SRRM3: variants seen among roughly 807,000 people sequenced by gnomAD.
The protein encoded by SRRM3 is serine/arginine repetitive matrix 3, also known as serine/arginine repetitive matrix protein 3.
Under a neutral mutation model 66.2 loss-of-function variants are expected in SRRM3, and 27 were observed. That is an observed-to-expected ratio of 0.41 (90% CI 0.30 to 0.56). SRRM3 has a LOEUF of 0.56. Among genes scored for constraint, SRRM3 ranks in the 20% least tolerant of loss-of-function variants. SRRM3 has a pLI of 0.32. For synonymous variants in SRRM3, 391 were observed against 414.9 expected (o/e 0.94, Z 0.70); for missense variants, 918 against 991.9 (o/e 0.93, Z 1.00).
intron 3 of SRRM3, among the ~76,000 whole-genome samples, chr7:76,258,738 A>C (rs1389216629): frequency 6.8e-6 from 1 of 146,956 alleles, no homozygotes; most frequent in South Asian, 2.1e-4. Flanking sequence ...AAAAAAGAAA[A>C]AGAAAAAGAA....
intron 3 of SRRM3, among the ~76,000 whole-genome samples, chr7:76,248,984 A>G (rs1554606512): frequency 6.6e-6 from 1 of 152,056 alleles, no homozygotes; most frequent in East Asian, 1.9e-4. Flanking sequence ...CATCTCAAAA[A>G]ATAAAATAGA....
chr7:76,208,242 T>C (rs1273356054), intron 1 of SRRM3, among the ~76,000 whole-genome samples: 1 of 152,094 alleles, frequency 6.6e-6, no homozygotes, highest in African/African-American at 2.4e-5. Flanking sequence ...AGAACTGGAA[T>C]CTGGTGGCTC....
At chr7:76,245,395 A>T (rs527981081) in intron 2 of SRRM3, among the ~76,000 whole-genome samples, 1 of 152,258 alleles carries the variant, frequency 6.6e-6, no homozygotes, top group Non-Finnish European at 1.5e-5. Context: ...AAATTTTTTT[A>T]AAATTATTTT....
intron 11 of SRRM3, among the ~76,000 whole-genome samples, chr7:76,275,052 G>A (rs1563639504): frequency 6.7e-6 from 1 of 149,260 alleles, no homozygotes; most frequent in Non-Finnish European, 1.5e-5. Context: ...GCTGCAGTGA[G>A]CCTAGATCGT....
intron 1 of SRRM3, among the ~76,000 whole-genome samples, chr7:76,204,374 C>T (rs946151057): frequency 4.5e-4 from 68 of 152,188 alleles, no homozygotes; most frequent in Non-Finnish European, 7.8e-4. Context: ...CCTGTAACTT[C>T]GTATACATGA....
At chr7:76,209,170 A>C (rs933468360) in intron 1 of SRRM3, among the ~76,000 whole-genome samples, 1 of 152,194 alleles carries the variant, frequency 6.6e-6, no homozygotes, top group Admixed American at 6.5e-5. Context: ...TGAGGGGGTT[A>C]GACTATACAA....
At chr7:76,283,220 G>T in intron 14 of SRRM3, 119 bp downstream of exon 14, 1 of 950,986 alleles carries the variant, frequency 1.1e-6, no homozygotes, top group Non-Finnish European at 1.3e-6. Flanking sequence ...CACGGGGATG[G>T]GGGGGGGTGC....
intron 1 of SRRM3, among the ~76,000 whole-genome samples, chr7:76,223,252 G>A (rs1439729231): frequency 1.3e-5 from 2 of 152,134 alleles, no homozygotes; most frequent in Non-Finnish European, 2.9e-5. Context: ...GGTGTCTCTT[G>A]GTCCTCTGGT....
intron 1 of SRRM3, among the ~76,000 whole-genome samples, chr7:76,224,740 G>A (rs998869774): frequency 6.6e-6 from 1 of 152,070 alleles, no homozygotes; most frequent in Non-Finnish European, 1.5e-5. Flanking sequence ...CTGAGTGACC[G>A]CCTACACACC....
intron 1 of SRRM3, among the ~76,000 whole-genome samples, chr7:76,224,699 G>A (rs2116971811): frequency 6.6e-6 from 1 of 152,292 alleles, no homozygotes; most frequent in Non-Finnish European, 1.5e-5. Flanking sequence ...AACGTACACT[G>A]ATACACAGAG....
In SRRM3 at chr7:76,269,387, TAAA is replaced by T. The variant is rs1802151585; in HGVS notation, c.1008+1955_1008+1957del. 2.6e-5 allele frequency: 4 copies of T among 152,152 alleles called. No individual in the cohort carries two copies. The South Asian group carries it at 8.3e-4, about 32-fold the overall frequency. The allele number at this position is 152,152 out of a possible 1,614,324, so 9.4% of individuals were successfully genotyped here. A position where few individuals can be genotyped will look rare whatever the true frequency, so the allele number is the denominator to read the frequency against. On this transcript the variant is annotated intron_variant, in intron 11 of 14. Coordinates refer to ENST00000611745, the MANE Select transcript of SRRM3 (RefSeq NM_001110199.3). ...CATTCAGATCCCTGCCTCTCTGCCTTAAAAAGACCCCTGAGGAGTCAAAAGAGG... is the reference window on the plus strand; with the variant it reads ...CATTCAGATCCCTGCCTCTCTGCCTTAAGACCCCTGAGGAGTCAAAAGAGG...
Position 76,248,254 on chromosome 7 carries a change from A to C in SRRM3, c.300A>C (p.Gly100=), listed in dbSNP as rs375291217. Residue 100 remains glycine (G), a synonymous_variant, in exon 3 of 15, where the codon GGA becomes GGC. Coordinates refer to ENST00000611745, the MANE Select transcript of SRRM3 (RefSeq NM_001110199.3). ...GGCAGATGCTGATGGAGAAGGAGGGAGTGCTCACCAGGGAGGACCGGCCTG... is the reference window on the plus strand; with the variant it reads ...GGCAGATGCTGATGGAGAAGGAGGGCGTGCTCACCAGGGAGGACCGGCCTG... ...TFRQMLMEKE[G]VLTREDRPGG... 6.2e-7 allele frequency: 1 copy of C among 1,613,620 alleles called. No homozygotes were observed. Among genetic ancestry groups the C allele is most frequent in the South Asian group, 1.1e-5 (1 of 91,020 alleles).
intron 11 of SRRM3, among the ~76,000 whole-genome samples, chr7:76,275,113 A>AG (rs1802310017): frequency 1.3e-5 from 2 of 151,404 alleles, no homozygotes; most frequent in South Asian, 4.2e-4. Context: ...CTCAAAAAAA[A>AG]AAAAAAAAGA....
At chr7:76,213,666 G>C (rs553408923) in intron 1 of SRRM3, among the ~76,000 whole-genome samples, 2 of 152,206 alleles carry the variant, frequency 1.3e-5, no homozygotes, top group South Asian at 4.1e-4. Context: ...TCTCTCTCAG[G>C]GTTTCTCTGT....
At position 76,282,993 on chromosome 7, in the gene SRRM3, A is replaced by C. The variant is rs1554612222; in HGVS notation, c.1625A>C (p.His542Pro). Residue 542 changes from histidine to proline, a missense_variant, in exon 14 of 15, where the codon CAC becomes CCC. His to Pro is a moderately conservative substitution (Grantham distance 77). Coordinates refer to ENST00000611745, the MANE Select transcript of SRRM3 (RefSeq NM_001110199.3). ...RDKDGEGRAR[H>P]SEAEATRARR... Reference sequence around the variant, plus strand: ...AAGGACGGCGAGGGCCGCGCAAGGCACTCTGAGGCCGAGGCCACCCGCGCC... The same window carrying C: ...AAGGACGGCGAGGGCCGCGCAAGGCCCTCTGAGGCCGAGGCCACCCGCGCC... 6.9e-7 allele frequency: 1 copy of C among 1,445,660 alleles called. No individual in the cohort carries two copies. Among genetic ancestry groups the C allele is most frequent in the African/African-American group, 1.5e-5 (1 of 67,218 alleles). 89.6% of individuals were successfully genotyped at this position (1,445,660 alleles called of 1,614,324 possible). A position where few individuals can be genotyped will look rare whatever the true frequency, so the allele number is the denominator to read the frequency against.
At chr7:76,282,366 C>T (rs1236276318) in intron 12 of SRRM3, among the ~76,000 whole-genome samples, 2 of 146,502 alleles carry the variant, frequency 1.4e-5, no homozygotes, top group Non-Finnish European at 3.0e-5. Context: ...CAGGGAACCC[C>T]CTCTCCTCCC....
At chr7:76,236,537 C>T (rs1801158357) in intron 2 of SRRM3, among the ~76,000 whole-genome samples, 2 of 152,328 alleles carry the variant, frequency 1.3e-5, no homozygotes, top group African/African-American at 2.4e-5. Context: ...CCACCCCAGG[C>T]CTCCTGGGCT....
intron 1 of SRRM3, among the ~76,000 whole-genome samples, chr7:76,215,059 A>C (rs1357387288): frequency 8.0e-5 from 12 of 149,300 alleles, no homozygotes; most frequent in African/African-American, 2.7e-4. Context: ...AAAAAAAAAA[A>C]CAGGAAAGAT....
intron 11 of SRRM3, among the ~76,000 whole-genome samples, chr7:76,272,527 CT>C (rs560837561): frequency 3.8e-4 from 58 of 152,278 alleles, no homozygotes; most frequent in South Asian, 3.1e-3. Context: ...ATCATCCTGT[CT>C]GTAGTCCCAG....
Sources: gnomAD v4.1 joint callset for allele counts (sites outside exome capture counted in the v4.1 genomes callset) on GRCh38, gnomAD v4.1.1 for gene constraint, MANE v1.5 for transcripts, NCBI Gene and HGNC (gene_info 2026-07-23, HGNC 2026-07-21) for gene names.